Variants in TTLL5 observed in about 807,000 individuals in gnomAD.
The protein encoded by TTLL5 is tubulin polyglutamylase TTLL5.
TTLL5 carries 132 observed loss-of-function variants against 168.4 expected under a neutral mutation model. The ratio of observed to expected loss-of-function variants is 0.78; its 90% CI spans 0.68 to 0.91. The LOEUF (loss-of-function observed/expected upper bound fraction) is 0.91. Ranked by LOEUF, TTLL5 falls within the 40% of genes least tolerant of loss-of-function variation. TTLL5 has a pLI of 0.00. For missense variants in TTLL5, 1,545 were observed against 1,581.5 expected, an observed-to-expected ratio of 0.98 and a Z score of 0.39; for synonymous variants, 546 against 558.6, an observed-to-expected ratio of 0.98 and a Z score of 0.32.
At chr14:75,698,347 C>T (rs1380608959) in intron 6 of TTLL5, among the ~76,000 whole-genome samples, 2 of 152,146 alleles carry the variant, frequency 1.3e-5, no homozygotes, top group Non-Finnish European at 1.5e-5. Flanking sequence ...ACAAATGGCA[C>T]CTTTTAATCA....
Position 75,669,458 on chromosome 14 carries a change from T to C in TTLL5, c.117T>C (p.Ile39=), listed in dbSNP as rs1883544989. 1 of 1,614,024 alleles carries C rather than the reference T, an allele frequency of 6.2e-7. No homozygotes were observed. Among genetic ancestry groups the C allele is most frequent in the Admixed American group, 1.7e-5 (1 of 60,010 alleles). Reference sequence around the variant, plus strand: ...TGTGGACTGGAGGCTGCAGGAGAATTCCAGTTTTGGTATTCCATGCCGACG... The same window carrying C: ...TGTGGACTGGAGGCTGCAGGAGAATCCCAGTTTTGGTATTCCATGCCGACG... ...CIMWTGGCRR[I]PVLVFHADAI... Residue 39 remains isoleucine (I), a synonymous_variant, in exon 3 of 32, where the codon ATT becomes ATC. Transcript: ENST00000298832.
intron 2 of TTLL5, among the ~76,000 whole-genome samples, chr14:75,665,384 A>G (rs1266746387): frequency 1.3e-5 from 2 of 152,226 alleles, no homozygotes; most frequent in Non-Finnish European, 2.9e-5. Context: ...GGGAAGCAGC[A>G]TAGATGTCTG....
intron 18 of TTLL5, among the ~76,000 whole-genome samples, chr14:75,754,564 C>G (rs1191191607): frequency 6.6e-6 from 1 of 152,108 alleles, no homozygotes; most frequent in African/African-American, 2.4e-5. Context: ...TTCTGGGGAC[C>G]ACTGCATTAG....
intron 31 of TTLL5, among the ~76,000 whole-genome samples, chr14:75,953,310 G>A (rs1376639510): frequency 6.6e-6 from 1 of 152,142 alleles, no homozygotes; most frequent in Non-Finnish European, 1.5e-5. Flanking sequence ...AGTGTAAATT[G>A]TATAATCACT....
intron 5 of TTLL5, among the ~76,000 whole-genome samples, chr14:75,688,641 T>C (rs940079576): frequency 6.6e-6 from 1 of 152,180 alleles, no homozygotes; most frequent in African/African-American, 2.4e-5. Flanking sequence ...CTTGTGGGAC[T>C]GAGCCTTCAA....
In TTLL5 at chr14:75,863,654, C is replaced by G. The variant is rs1229089875; in HGVS notation, c.3327-13C>G. ...CCACTCACTCTAAGAAACCTGCTTG[C>G]TTTTCTCTTCAGGAGCCTGCAGACA... is the stretch of plus-strand genomic sequence containing the variant. On this transcript the variant is annotated splice_polypyrimidine_tract_variant and intron_variant, in intron 28 of 31. Transcript: ENST00000298832. 24 of 1,586,362 alleles carry G rather than the reference C, an allele frequency of 1.5e-5. No homozygotes were observed. The highest frequency in any genetic ancestry group is 1.9e-5 in the Non-Finnish European group (22 of 1,167,146).
intron 15 of TTLL5, 76 bp downstream of exon 15, chr14:75,735,365 A>G: frequency 7.0e-7 from 1 of 1,425,418 alleles, no homozygotes; most frequent in Non-Finnish European, 9.9e-7. Flanking sequence ...TGGGAGCAGA[A>G]GCACTGTGGG....
rs779894993 is a variant in TTLL5, at chr14:75,676,768, CT to C, written c.182-4759del. 7.8e-3 allele frequency among the ~76,000 whole-genome samples: 1,084 copies of C among 138,478 alleles called. 11 individuals carry two copies. Among genetic ancestry groups the C allele is most frequent in the African/African-American group, 0.022 (866 of 39,222 alleles). 90.8% of individuals were successfully genotyped at this position (138,478 alleles called of 152,430 possible). ...GAGAAATAATATTGATAGCATTTTA[CT>C]TTTTTTTTTTTTTTTTTCTGAAACA... On this transcript the variant is annotated intron_variant, in intron 3 of 31. Coordinates refer to ENST00000298832, the MANE Select transcript of TTLL5 (RefSeq NM_015072.5).
At chr14:75,686,373 A>G (rs1885051229) in intron 5 of TTLL5, among the ~76,000 whole-genome samples, 1 of 152,136 alleles carries the variant, frequency 6.6e-6, no homozygotes, top group African/African-American at 2.4e-5. Context: ...TAAGTTCTCA[A>G]CGGGGTTCCT....
rs575570369 is a variant in TTLL5, at chr14:75,779,317, C to T, written c.2388-258C>T. On this transcript the variant is annotated intron_variant, in intron 23 of 31. Coordinates refer to ENST00000298832, the MANE Select transcript of TTLL5 (RefSeq NM_015072.5). ...AATTTAATTTGAATTTAAATAGTCA[C>T]ATATGACTGAGTAGTCGCTACCATA... 1.7e-4 allele frequency among the ~76,000 whole-genome samples: 26 copies of T among 152,280 alleles called. 1 individual carries two copies. The South Asian group carries it at 5.4e-3, about 32-fold the overall frequency.
intron 30 of TTLL5, among the ~76,000 whole-genome samples, chr14:75,897,435 T>C (rs2032720416): frequency 1.3e-5 from 2 of 152,152 alleles, no homozygotes; most frequent in South Asian, 4.1e-4. Context: ...GGCAGTGTGC[T>C]CTTAAGCAGT....
intron 31 of TTLL5, among the ~76,000 whole-genome samples, chr14:75,929,386 T>G (rs1355471635): frequency 6.6e-6 from 1 of 152,082 alleles, no homozygotes; most frequent in Non-Finnish European, 1.5e-5. Context: ...CCTATGCCAC[T>G]TCTTAGAGTT....
intron 27 of TTLL5, 144 bp downstream of exon 27, chr14:75,793,244 AT>A (rs1260135371): frequency 2.5e-6 from 2 of 786,302 alleles, no homozygotes; most frequent in Non-Finnish European, 3.6e-6. Flanking sequence ...TTCAAGCTAA[AT>A]TATCAAGTTT....
intron 31 of TTLL5, among the ~76,000 whole-genome samples, chr14:75,944,271 C>T (rs763490751): frequency 2.6e-5 from 4 of 152,186 alleles, no homozygotes; most frequent in Non-Finnish European, 5.9e-5. Flanking sequence ...CTGTGTGACT[C>T]GAATACATTC....
At position 75,783,404 on chromosome 14, in the gene TTLL5, A is replaced by G. The variant is rs763052619; in HGVS notation, c.2860A>G (p.Ile954Val). The change falls in exon 26 of 32, where the codon ATC (isoleucine) becomes GTC (valine). Residue 954 changes from isoleucine (I) to valine (V), a missense_variant. Ile to Val is a conservative substitution (Grantham distance 29). Transcript: ENST00000298832. ...SPCLHPGAQN[I>V]PSPTGLPRCR... is the part of the protein sequence containing the mutation. ...CTGCCTACATCCCGGGGCACAGAAC[A>G]TCCCAAGCCCTACTGGCCTGCCACG... 6.8e-6 allele frequency: 11 copies of G among 1,614,048 alleles called. No individual in the cohort carries two copies. The highest frequency in any genetic ancestry group is 9.3e-6 in the Non-Finnish European group (11 of 1,180,028).
intron 9 of TTLL5, chr14:75,711,065 A>C (rs1391853188): frequency 1.3e-5 from 2 of 152,196 alleles, no homozygotes; most frequent in African/African-American, 4.8e-5. Flanking sequence ...AAATTTTTTA[A>C]CACAAAATTA....
chr14:75,686,827 T>A (rs1209416620), intron 5 of TTLL5, among the ~76,000 whole-genome samples: 1 of 152,176 alleles, frequency 6.6e-6, no homozygotes, highest in African/African-American at 2.4e-5. Context: ...TACTGGTGTT[T>A]TTTTCACTAT....
chr14:75,707,759 T>A, intron 9 of TTLL5, 52 bp downstream of exon 9: 45 of 1,286,610 alleles, frequency 3.5e-5, no homozygotes, highest in Non-Finnish European at 4.8e-5. Flanking sequence ...TAAGGGTGGG[T>A]ATATTAAGAG....
chr14:75,669,033 A>G (rs190713365), intron 2 of TTLL5, among the ~76,000 whole-genome samples: 9 of 152,306 alleles, frequency 5.9e-5, no homozygotes, highest in Admixed American at 3.3e-4. Flanking sequence ...TTCTCATCCT[A>G]TACCATCAAG....
Sources: gnomAD v4.1 joint callset for allele counts (sites outside exome capture counted in the v4.1 genomes callset) on GRCh38, gnomAD v4.1.1 for gene constraint, MANE v1.5 for transcripts, NCBI Gene and HGNC (gene_info 2026-07-23, HGNC 2026-07-21) for gene names.